The following ACSS2 variants were observed in gnomAD, a reference collection of about 807,000 sequenced individuals.
ACSS2 encodes acyl-CoA synthetase short chain family member 2.
In ACSS2, 58 loss-of-function variants were observed where a neutral mutation model predicts 90.6. That is an observed-to-expected ratio of 0.64 (90% confidence interval 0.52 to 0.80). The LOEUF is 0.80. Among genes scored for constraint, ACSS2 ranks in the 30% least tolerant of loss-of-function variants. The pLI is 0.00. For synonymous variants in ACSS2, 300 were observed against 330.9 expected (o/e 0.91, Z 1.01); for missense variants, 759 against 912.0 (o/e 0.83, Z 2.16).
chr20:34,913,619 G>A (rs1420502535), intron 4 of ACSS2, 123 bp downstream of exon 4: 2 of 1,254,514 alleles, frequency 1.6e-6, no homozygotes, highest in South Asian at 2.6e-5. Flanking sequence ...TTGTGTCATA[G>A]GTCCATATTA....
chr20:34,896,871 A>G (rs1439840141), intron 2 of ACSS2, among the ~76,000 whole-genome samples: 2 of 152,286 alleles, frequency 1.3e-5, no homozygotes, highest in East Asian at 1.9e-4. Context: ...TGTCTCTACT[A>G]AAAATATAAA....
Position 34,913,731 on chromosome 20 carries a change from C to T in ACSS2, c.571-22C>T, listed in dbSNP as rs770323381. On this transcript the variant is annotated intron_variant, in intron 4 of 17. Transcript: ENST00000360596. ...ATCCCTGGGGCTTTCTTCTCTCCCTCAGACTTTCTTCCCTTCCCTAGTTTG... is the reference window on the plus strand; with the variant it reads ...ATCCCTGGGGCTTTCTTCTCTCCCTTAGACTTTCTTCCCTTCCCTAGTTTG... The T allele has an allele frequency of 8.1e-6, 13 of 1,611,232 alleles. No individual in the cohort carries two copies. In the East Asian group the frequency reaches 2.9e-4, roughly 36 times the overall value.
At chr20:34,887,025 C>A (rs2080211189) in intron 2 of ACSS2, among the ~76,000 whole-genome samples, 1 of 152,176 alleles carries the variant, frequency 6.6e-6, no homozygotes, top group Non-Finnish European at 1.5e-5. Context: ...CAAAATAGAA[C>A]CATATTAAGG....
rs939108593 is a variant in ACSS2, at chr20:34,920,891, G to A, written c.1144-115G>A. On this transcript the variant is annotated intron_variant, in intron 9 of 17. Coordinates refer to ENST00000360596, the MANE Select transcript of ACSS2 (RefSeq NM_018677.4). ...ATGGTATCTTGGCTTGTCTGGCCAG[G>A]GAGTGAAGATATGGTTGGTCAGAAA... 4 of 1,531,038 alleles carry A rather than the reference G, an allele frequency of 2.6e-6. No homozygotes were observed. The East Asian group carries it at 6.8e-5, about 26-fold the overall frequency. The allele number at this position is 1,531,038 out of a possible 1,614,324, so 94.8% of individuals were successfully genotyped here. A position where few individuals can be genotyped will look rare whatever the true frequency, so the allele number is the denominator to read the frequency against.
chr20:34,923,166 C>A (rs1254263588), intron 13 of ACSS2, 157 bp from the exon 14 acceptor site: 1 of 599,978 alleles, frequency 1.7e-6, no homozygotes, highest in Non-Finnish European at 3.0e-6. Context: ...GGTCACCTAG[C>A]TAGTAAGTGG....
intron 16 of ACSS2, 105 bp downstream of exon 16, chr20:34,926,386 A>G (rs1005900425): frequency 7.6e-7 from 1 of 1,320,854 alleles, no homozygotes; most frequent in African/African-American, 1.5e-5. Flanking sequence ...CCAAACCACA[A>G]ACAGATTCCA....
intron 2 of ACSS2, among the ~76,000 whole-genome samples, chr20:34,899,423 T>C (rs200171745): frequency 3.1e-4 from 35 of 113,076 alleles, no homozygotes; most frequent in Admixed American, 5.6e-4. Flanking sequence ...TCTTTCTTTC[T>C]TTCCTTCCTT....
chr20:34,891,874 A>T lies in ACSS2; in HGVS notation c.374+8885A>T, dbSNP rs1601303254. On this transcript the variant is annotated intron_variant, in intron 2 of 17. Coordinates refer to ENST00000360596, the MANE Select transcript of ACSS2 (RefSeq NM_018677.4). ...TTTTTTGGAAGTAGGTGGCATATGA[A>T]TAATAAATGTATTGCTCTGAAGACT... 2.6e-5 allele frequency among the ~76,000 whole-genome samples: 4 copies of T among 152,184 alleles called. No homozygotes were observed. In the South Asian group the frequency reaches 8.3e-4, roughly 31 times the overall value.
At chr20:34,917,822 G>T (rs1248034591) in intron 7 of ACSS2, among the ~76,000 whole-genome samples, 2 of 151,472 alleles carry the variant, frequency 1.3e-5, no homozygotes, top group Non-Finnish European at 2.9e-5. Flanking sequence ...GTACGATCTC[G>T]GCTTACTGCA....
intron 2 of ACSS2, among the ~76,000 whole-genome samples, chr20:34,885,558 A>G (rs1228817661): frequency 6.6e-6 from 1 of 152,210 alleles, no homozygotes; most frequent in Admixed American, 6.5e-5. Context: ...TCATAAAATG[A>G]TTGAGTCTGA....
chr20:34,910,727 A>C (rs2147067403), intron 2 of ACSS2, among the ~76,000 whole-genome samples: 1 of 152,330 alleles, frequency 6.6e-6, no homozygotes, highest in Non-Finnish European at 1.5e-5. Context: ...AGTGGGGAGA[A>C]CACTTCTCAT....
Position 34,914,314 on chromosome 20 carries a change from C to A in ACSS2, c.720-9C>A, listed in dbSNP as rs1878126688. On this transcript the variant is annotated splice_polypyrimidine_tract_variant and intron_variant, in intron 6 of 17. Coordinates refer to ENST00000360596, the MANE Select transcript of ACSS2 (RefSeq NM_018677.4). ...CAAGGCTACCACTTTAGGCTTTTCT[C>A]TTCTCCAGGGGTTTCCCAGTAAGAT... 1 of 1,611,518 alleles carries A rather than the reference C, an allele frequency of 6.2e-7. No individual in the cohort carries two copies. The highest frequency in any genetic ancestry group is 1.3e-5 in the African/African-American group (1 of 74,960).
At chr20:34,881,886 T>C (rs535160074) in intron 1 of ACSS2, among the ~76,000 whole-genome samples, 6 of 152,336 alleles carry the variant, frequency 3.9e-5, no homozygotes, top group South Asian at 2.1e-4. Flanking sequence ...ATAACACTTA[T>C]ATAAGTAGAA....
intron 2 of ACSS2, among the ~76,000 whole-genome samples, chr20:34,887,537 C>T (rs1337385669): frequency 2.0e-5 from 3 of 152,022 alleles, no homozygotes; most frequent in Non-Finnish European, 4.4e-5. Context: ...GTCAGGAGTT[C>T]GAGACCAGCC....
At chr20:34,886,865 C>G (rs2080207511) in intron 2 of ACSS2, among the ~76,000 whole-genome samples, 1 of 152,108 alleles carries the variant, frequency 6.6e-6, no homozygotes, top group African/African-American at 2.4e-5. Context: ...CACATTATGG[C>G]TTTCTTCTTA....
intron 2 of ACSS2, among the ~76,000 whole-genome samples, chr20:34,909,194 CAAAA>C (rs759144830): frequency 4.2e-4 from 19 of 45,112 alleles, no homozygotes; most frequent in African/African-American, 1.5e-3. Context: ...CCTGTCTTTG[CAAAA>C]AAAAAAAAAA....
At chr20:34,875,128 G>C (rs373343336), upstream of ACSS2, 1 of 534,638 alleles carries the variant, frequency 1.9e-6, no homozygotes, top group African/African-American at 1.9e-5. Context: ...CTTCTTTGTG[G>C]TGAGTGCAGG....
Position 34,927,167 on chromosome 20 carries a change from T to C in ACSS2, c.2059T>C (p.Ser687Pro), listed in dbSNP as rs1477355430. 3 of 1,614,130 alleles carry C rather than the reference T, an allele frequency of 1.9e-6. No individual in the cohort carries two copies. Among genetic ancestry groups the C allele is most frequent in the Non-Finnish European group, 2.5e-6 (3 of 1,180,020 alleles). Residue 687 changes from serine (S) to proline (P), a missense_variant, in exon 18 of 18, where the codon TCT becomes CCT. Ser to Pro is a moderately conservative substitution (Grantham distance 74). Transcript: ENST00000360596. This position sits in a 1 kb window ranked among gnomAD's most constrained non-coding sequence, Gnocchi z 4.2. ...GGACATGTCTACTGTGGCTGACCCA[T>C]CTGTCATCAGTCACCTCTTCAGCCA... Reference protein sequence around the residue: ...LGDMSTVADPSVISHLFSHRC... With the variant: ...LGDMSTVADPPVISHLFSHRC...
rs918780029 is a variant in ACSS2, at chr20:34,913,884, A to G, written c.643+59A>G. On this transcript the variant is annotated intron_variant, in intron 5 of 17. Coordinates refer to ENST00000360596, the MANE Select transcript of ACSS2 (RefSeq NM_018677.4). Reference sequence around the variant, plus strand: ...CCCATACCTCAAGCCTTGGTCTCCAATCAGCTCATTGGTATTTGGGGCTAC... The same window carrying G: ...CCCATACCTCAAGCCTTGGTCTCCAGTCAGCTCATTGGTATTTGGGGCTAC... The G allele has an allele frequency of 9.7e-6, 15 of 1,550,664 alleles. No homozygotes were observed. Among genetic ancestry groups the G allele is most frequent in the Middle Eastern group, 3.5e-4 (2 of 5,790 alleles).
Sources: allele counts gnomAD v4.1 joint callset (sites outside exome capture counted in the v4.1 genomes callset), GRCh38; gene constraint gnomAD v4.1.1; non-coding constraint Gnocchi (gnomAD v3.1); transcripts MANE v1.5; gene names NCBI Gene and HGNC (gene_info 2026-07-23, HGNC 2026-07-21).